NRXN3: variants seen among roughly 807,000 people sequenced by gnomAD.
The protein encoded by NRXN3 is neurexin 3.
In NRXN3, 32 loss-of-function variants were observed where a neutral mutation model predicts 137.6. The observed-to-expected ratio is 0.23, with a 90% CI of 0.18 to 0.31. The LOEUF (loss-of-function observed/expected upper bound fraction) is 0.31. Ranked by LOEUF, NRXN3 falls within the 10% of genes least tolerant of loss-of-function variation. The probability of loss-of-function intolerance (pLI) is 1.00; values close to 1 mark genes in which losing one functional copy is unlikely to be tolerated. For missense variants in NRXN3, 1,574 were observed against 2,062.5 expected (o/e 0.76, Z 4.59); for synonymous variants, 798 against 784.5 (o/e 1.02, Z -0.29).
chr14:79,215,527 G>A (rs1489410719), intron 15 of NRXN3, among the ~76,000 whole-genome samples: 2 of 152,144 alleles, frequency 1.3e-5, no homozygotes. Flanking sequence ...AATCATGATG[G>A]AGGGTGAAAA....
At chr14:78,720,376 AAT>A (rs1307921007) in intron 8 of NRXN3, among the ~76,000 whole-genome samples, 1 of 152,190 alleles carries the variant, frequency 6.6e-6, no homozygotes, top group Non-Finnish European at 1.5e-5. Flanking sequence ...GAAATTCTTG[AAT>A]ATACTGGAAG....
chr14:79,384,872 C>G (rs1012221709), intron 15 of NRXN3, among the ~76,000 whole-genome samples: 1 of 152,070 alleles, frequency 6.6e-6, no homozygotes, highest in African/African-American at 2.4e-5. Context: ...GTAAAATAAC[C>G]CAGCTATTGG....
chr14:78,656,805 A>G (rs1006947191), intron 6 of NRXN3, among the ~76,000 whole-genome samples: 1 of 152,126 alleles, frequency 6.6e-6, no homozygotes, highest in Admixed American at 6.5e-5. Context: ...GAACTTTGGG[A>G]GGCCAAGGTG....
At chr14:78,939,887 A>G (rs969838820) in intron 10 of NRXN3, among the ~76,000 whole-genome samples, 22 of 152,236 alleles carry the variant, frequency 1.4e-4, no homozygotes, top group African/African-American at 5.1e-4. Flanking sequence ...GAGATTATCA[A>G]TTTGCTCCCT....
At chr14:79,632,453 CAG>C (rs2098363550) in intron 16 of NRXN3, 1 of 152,220 alleles carries the variant, frequency 6.6e-6, no homozygotes, top group African/African-American at 2.4e-5. Context: ...GAATTCAGGA[CAG>C]AGGGAGCAGA....
chr14:78,923,546 C>T (rs2099276854), intron 10 of NRXN3, among the ~76,000 whole-genome samples: 1 of 152,116 alleles, frequency 6.6e-6, no homozygotes, highest in African/African-American at 2.4e-5. Context: ...TATTAGTGAA[C>T]AGGTTCACAA....
chr14:79,263,523 C>T (rs2077963587), intron 15 of NRXN3, among the ~76,000 whole-genome samples: 1 of 152,064 alleles, frequency 6.6e-6, no homozygotes, highest in Non-Finnish European at 1.5e-5. Flanking sequence ...GTGGGAGATC[C>T]TGGATCTGAT....
chr14:78,548,426 T>C (rs1007508037), intron 4 of NRXN3, among the ~76,000 whole-genome samples: 49 of 152,156 alleles, frequency 3.2e-4, no homozygotes, highest in African/African-American at 1.1e-3. Context: ...CACTAGACTC[T>C]ACCAAGTGGA....
chr14:79,825,428 G>A (rs1465334064), intron 20 of NRXN3, among the ~76,000 whole-genome samples: 2 of 152,140 alleles, frequency 1.3e-5, no homozygotes, highest in African/African-American at 2.4e-5. Flanking sequence ...GAGTTAATGA[G>A]TAGCCACGTT....
intron 4 of NRXN3, among the ~76,000 whole-genome samples, chr14:78,627,460 T>A (rs1016850728): frequency 2.0e-5 from 3 of 152,192 alleles, no homozygotes; most frequent in African/African-American, 7.2e-5. Flanking sequence ...AAGCAGTGCA[T>A]TACTTACCCA....
chr14:79,862,065 C>A lies in NRXN3; in HGVS notation c.*101C>A. On this transcript the variant is annotated 3_prime_UTR_variant, in exon 21 of 21. Coordinates refer to ENST00000335750, the MANE Select transcript of NRXN3 (RefSeq NM_001330195.2). ...CTCACAGATGTCAGAACTGCTGGAACTATGAAATGGGGTATATAACCACGA... is the reference window on the plus strand; with the variant it reads ...CTCACAGATGTCAGAACTGCTGGAAATATGAAATGGGGTATATAACCACGA... The A allele has an allele frequency of 2.0e-6, 2 of 1,019,324 alleles. No individual in the cohort carries two copies. Among genetic ancestry groups the A allele is most frequent in the Non-Finnish European group, 2.9e-6 (2 of 699,354 alleles). The allele number at this position is 1,019,324 out of a possible 1,614,324, so 63.1% of individuals were successfully genotyped here.
At chr14:79,332,163 TA>T (rs2091773234) in intron 15 of NRXN3, among the ~76,000 whole-genome samples, 1 of 152,214 alleles carries the variant, frequency 6.6e-6, no homozygotes, top group Non-Finnish European at 1.5e-5. Flanking sequence ...TTAATTCTAT[TA>T]GGTTGGTGCA....
At chr14:79,011,909 G>A (rs2099571962) in intron 15 of NRXN3, among the ~76,000 whole-genome samples, 1 of 152,174 alleles carries the variant, frequency 6.6e-6, no homozygotes. Context: ...TTCGATGGGA[G>A]AATAAATAAC....
intron 15 of NRXN3, among the ~76,000 whole-genome samples, chr14:79,056,836 C>T (rs1595459943): frequency 6.6e-6 from 1 of 152,174 alleles, no homozygotes; most frequent in Non-Finnish European, 1.5e-5. Flanking sequence ...AAGCAGGTGC[C>T]CCTTCCAAAT....
intron 20 of NRXN3, among the ~76,000 whole-genome samples, chr14:79,837,144 A>G (rs560579864): frequency 6.6e-6 from 1 of 152,296 alleles, no homozygotes; most frequent in Admixed American, 6.5e-5. Flanking sequence ...TTATGTTGAA[A>G]GGCAACATAG....
chr14:79,032,328 A>G (rs2099609559), intron 15 of NRXN3, among the ~76,000 whole-genome samples: 1 of 152,162 alleles, frequency 6.6e-6, no homozygotes, highest in Non-Finnish European at 1.5e-5. Context: ...CTCTATGGTC[A>G]TTGTGCTATG....
chr14:79,719,049 A>AT (rs2098833326), intron 19 of NRXN3, among the ~76,000 whole-genome samples: 1 of 152,136 alleles, frequency 6.6e-6, no homozygotes, highest in South Asian at 2.1e-4. Context: ...TTAGAAAACA[A>AT]TGCTGACCAG....
chr14:79,026,966 AT>A (rs1240294715), intron 15 of NRXN3, among the ~76,000 whole-genome samples: 30 of 354 alleles, frequency 0.085, no homozygotes, highest in Non-Finnish European at 0.23. Flanking sequence ...ATATATATAT[AT>A]ATATATATAT....
At chr14:79,797,382 T>A (rs1254951313) in intron 19 of NRXN3, among the ~76,000 whole-genome samples, 1 of 152,056 alleles carries the variant, frequency 6.6e-6, no homozygotes, top group Non-Finnish European at 1.5e-5. Context: ...TGTAAGACAG[T>A]TTTAAAATTC....
Sources: gnomAD v4.1 joint callset for allele counts (sites outside exome capture counted in the v4.1 genomes callset) on GRCh38, gnomAD v4.1.1 for gene constraint, MANE v1.5 for transcripts, NCBI Gene and HGNC (gene_info 2026-07-23, HGNC 2026-07-21) for gene names.